Variants in ZFR2 observed in about 807,000 individuals in gnomAD.
ZFR2 encodes the protein zinc finger RNA-binding protein 2.
Under a neutral mutation model 105.7 loss-of-function variants are expected in ZFR2, and 104 were observed. The observed-to-expected ratio is 0.98, with a 90% CI of 0.84 to 1.16. The LOEUF is 1.16. ZFR2 is among the 50% of genes most tolerant of loss of function. ZFR2 has a pLI of 0.00. For synonymous variants in ZFR2, 634 were observed against 597.7 expected (o/e 1.06, Z -0.89); for missense variants, 1,425 against 1,355.5 (o/e 1.05, Z -0.80).
At position 3,805,861 on chromosome 19, in the gene ZFR2, A is replaced by T. The variant is rs550830319; in HGVS notation, c.*88T>A. Reference sequence around the variant, plus strand: ...CTCAAAAGGAAATGACCATTGTCCAACGTCGGGGATGAAGCAGCCATTGGT... The same window carrying T: ...CTCAAAAGGAAATGACCATTGTCCATCGTCGGGGATGAAGCAGCCATTGGT... On this transcript the variant is annotated 3_prime_UTR_variant, in exon 19 of 19. Transcript: ENST00000262961. The T allele has an allele frequency of 7.3e-7, 1 of 1,370,346 alleles. No homozygotes were observed. Among genetic ancestry groups the T allele is most frequent in the East Asian group, 2.8e-5 (1 of 35,196 alleles). The allele number at this position is 1,370,346 out of a possible 1,614,324, so 84.9% of individuals were successfully genotyped here.
intron 1 of ZFR2, among the ~76,000 whole-genome samples, chr19:3,865,033 G>A (rs2038414212): frequency 6.6e-6 from 1 of 152,122 alleles, no homozygotes; most frequent in South Asian, 2.1e-4. Context: ...ACAGGTGTGA[G>A]CCACCGTGCC....
At chr19:3,806,524 T>C (rs1386302350) in intron 18 of ZFR2, among the ~76,000 whole-genome samples, 5 of 152,142 alleles carry the variant, frequency 3.3e-5, no homozygotes, top group Non-Finnish European at 5.9e-5. Flanking sequence ...CTTCCCAAAG[T>C]GCTGGGATGA....
At chr19:3,820,926 G>A (rs1218060506) in intron 10 of ZFR2, among the ~76,000 whole-genome samples, 28 of 80,130 alleles carry the variant, frequency 3.5e-4, no homozygotes, top group African/African-American at 6.3e-4. Context: ...GGGACACCGG[G>A]GGTCGGGGGA....
chr19:3,825,460 C>A, intron 6 of ZFR2, 53 bp from the exon 7 acceptor site: 1 of 1,516,848 alleles, frequency 6.6e-7, no homozygotes, highest in Non-Finnish European at 8.8e-7. Context: ...AGCCTGATGG[C>A]CTTTTTCAAG....
At position 3,819,092 on chromosome 19, in the gene ZFR2, C is replaced by T. The variant is rs775262432; in HGVS notation, c.1884G>A (p.Leu628=). The change falls in exon 12 of 19, where the codon CTG becomes CTA. Residue 628 remains leucine (L), a synonymous_variant. Transcript: ENST00000262961. ...ERALKLVSDT[L]AEEDRGRREE... ...CTCGGCGGCCCCGGTCCTCCTCGGCCAGTGTGTCGGACACCAGCTTGAGGG... is the reference window on the plus strand; with the variant it reads ...CTCGGCGGCCCCGGTCCTCCTCGGCTAGTGTGTCGGACACCAGCTTGAGGG... 9 of 1,612,340 alleles carry T rather than the reference C, an allele frequency of 5.6e-6. No individual in the cohort carries two copies. Among genetic ancestry groups the T allele is most frequent in the South Asian group, 1.1e-5 (1 of 91,060 alleles).
intron 1 of ZFR2, among the ~76,000 whole-genome samples, chr19:3,847,029 G>A (rs2038191424): frequency 6.6e-6 from 1 of 152,226 alleles, no homozygotes; most frequent in African/African-American, 2.4e-5. Flanking sequence ...ATGCCTTCCT[G>A]CCAGGGTTGG....
chr19:3,807,165 C>A lies in ZFR2; in HGVS notation c.2643+7G>T. ...GTGTCACCCTTGCCGTGACTTGACC[C>A]TCCTACCTGGGCGCTGGCGGTCACG... is the stretch of plus-strand genomic sequence containing the variant. On this transcript the variant is annotated splice_region_variant and intron_variant, in intron 18 of 18. Coordinates refer to ENST00000262961, the MANE Select transcript of ZFR2 (RefSeq NM_015174.2). 6.4e-7 allele frequency: 1 copy of A among 1,550,862 alleles called. No individual in the cohort carries two copies. The highest frequency in any genetic ancestry group is 8.7e-7 in the Non-Finnish European group (1 of 1,146,420).
At position 3,834,548 on chromosome 19, in the gene ZFR2, G is replaced by C. The variant is rs1384797164; in HGVS notation, c.264+225C>G. 6.6e-6 allele frequency among the ~76,000 whole-genome samples: 1 copy of C among 152,188 alleles called. No homozygotes were observed. The highest frequency in any genetic ancestry group is 1.5e-5 in the Non-Finnish European group (1 of 68,020). ...TCACTGTCCCCACTGCCCCGACGTG[G>C]AGGTACGCATGCGGCCTGTCCCCGA... On this transcript the variant is annotated intron_variant, in intron 2 of 18. Transcript: ENST00000262961. This position sits in a 1 kb window ranked among gnomAD's most constrained non-coding sequence, Gnocchi z 5.3.
rs368861634 is a variant in ZFR2, at chr19:3,816,629, G to A, written c.2103+45C>T. ...GCAAGGGGCTGCGGGGAGAGGGCTG[G>A]CAGCCAGACGCCAGAAGCAGCGATG... On this transcript the variant is annotated intron_variant, in intron 13 of 18. Transcript: ENST00000262961. 310 of 1,568,166 alleles carry A rather than the reference G, an allele frequency of 2.0e-4. 1 individual carries two copies. The highest frequency in any genetic ancestry group is 5.3e-5 in the Admixed American group (3 of 56,320).
chr19:3,868,878 C>T (rs2038466303), intron 1 of ZFR2, 87 bp downstream of exon 1: 29 of 1,089,586 alleles, frequency 2.7e-5, no homozygotes, highest in Non-Finnish European at 3.4e-5. Flanking sequence ...CCGGGCCGGG[C>T]GCACGCGGCG....
chr19:3,858,655 T>C lies in ZFR2; in HGVS notation c.53+10310A>G, dbSNP rs764405956. On this transcript the variant is annotated intron_variant, in intron 1 of 18. Transcript: ENST00000262961. This position sits in a 1 kb window ranked among gnomAD's most constrained non-coding sequence, Gnocchi z 4.3. ...CAACATGGTGAAACCCAGTCTCTAC[T>C]AAAAATACAAAAATCAACCGGGCAT... 5.9e-5 allele frequency among the ~76,000 whole-genome samples: 9 copies of C among 152,024 alleles called. No homozygotes were observed. The highest frequency in any genetic ancestry group is 1.3e-4 in the Non-Finnish European group (9 of 68,010).
intron 1 of ZFR2, among the ~76,000 whole-genome samples, chr19:3,847,695 A>T (rs957788314): frequency 6.6e-6 from 1 of 152,206 alleles, no homozygotes; most frequent in African/African-American, 2.4e-5. Flanking sequence ...AACAATTTGC[A>T]GACGTATTTC....
intron 18 of ZFR2, among the ~76,000 whole-genome samples, chr19:3,806,885 G>T (rs1376642356): frequency 1.3e-5 from 2 of 152,238 alleles, no homozygotes; most frequent in Non-Finnish European, 2.9e-5. Context: ...GGGCTTCTAG[G>T]ACCATGGTCA....
intron 1 of ZFR2, among the ~76,000 whole-genome samples, chr19:3,847,057 T>C (rs530857694): frequency 1.3e-5 from 2 of 152,182 alleles, no homozygotes; most frequent in Non-Finnish European, 2.9e-5. Flanking sequence ...GTGCTGACTG[T>C]TGGTGGCAGT....
intron 1 of ZFR2, among the ~76,000 whole-genome samples, chr19:3,857,768 T>C (rs1350693461): frequency 6.6e-6 from 1 of 151,702 alleles, no homozygotes; most frequent in East Asian, 1.9e-4. Context: ...GCCCAGGCTA[T>C]TTGCTGCTGC....
At chr19:3,845,158 C>T (rs2038174079) in intron 1 of ZFR2, among the ~76,000 whole-genome samples, 1 of 152,194 alleles carries the variant, frequency 6.6e-6, no homozygotes, top group African/African-American at 2.4e-5. Flanking sequence ...TCTCTTCTTA[C>T]AGGGATCCAG....
chr19:3,825,280 C>A lies in ZFR2; in HGVS notation c.1163G>T (p.Ser388Ile). ...GGGTCTCTTGGCCAGCGCTGGCCTG[C>A]TCGAGGCACACACGCTGGGGCCAGT... is the stretch of plus-strand genomic sequence containing the variant. Reference protein sequence around the residue: ...SPTGPSVCASSRPALAKRPVA... With the variant: ...SPTGPSVCASIRPALAKRPVA... Residue 388 changes from serine (S) to isoleucine (I), a missense_variant, in exon 7 of 19, where the codon AGC becomes ATC. By Grantham distance (142) the Ser-to-Ile change is moderately radical (BLOSUM62 -2). Transcript: ENST00000262961. The A allele has an allele frequency of 1.3e-6, 2 of 1,575,882 alleles. No individual in the cohort carries two copies. The highest frequency in any genetic ancestry group is 1.7e-6 in the Non-Finnish European group (2 of 1,167,612).
At chr19:3,850,827 CT>C (rs1193938999) in intron 1 of ZFR2, among the ~76,000 whole-genome samples, 1 of 148,606 alleles carries the variant, frequency 6.7e-6, no homozygotes, top group Non-Finnish European at 1.5e-5. Flanking sequence ...CTCGATTAAG[CT>C]CAGGAGATTG....
In ZFR2 at chr19:3,811,193, C is replaced by A. The variant is rs1478799995; in HGVS notation, c.2337+79G>T. 3 of 1,382,386 alleles carry A rather than the reference C, an allele frequency of 2.2e-6. No homozygotes were observed. The South Asian group carries it at 4.4e-5, about 20-fold the overall frequency. 85.6% of individuals were successfully genotyped at this position (1,382,386 alleles called of 1,614,324 possible). A position where few individuals can be genotyped will look rare whatever the true frequency, so the allele number is the denominator to read the frequency against. On this transcript the variant is annotated intron_variant, in intron 15 of 18. Coordinates refer to ENST00000262961, the MANE Select transcript of ZFR2 (RefSeq NM_015174.2). ...GGAGCCCACGGGGCTGAGGCGGCCG[C>A]GCCGGGTTGACCTGGTGCCTCTGAG...
Sources: allele counts gnomAD v4.1 joint callset (sites outside exome capture counted in the v4.1 genomes callset), GRCh38; gene constraint gnomAD v4.1.1; non-coding constraint Gnocchi (gnomAD v3.1); transcripts MANE v1.5; gene names NCBI Gene and HGNC (gene_info 2026-07-23, HGNC 2026-07-21).